Variants in DNAH17 observed in about 807,000 individuals in gnomAD.
The protein encoded by DNAH17 is axonemal beta dynein heavy chain 17.
A neutral mutation model predicts 485.6 loss-of-function variants in DNAH17; 376 were observed. That is an observed-to-expected ratio of 0.77 (90% CI 0.71 to 0.84). The LOEUF is 0.84. DNAH17 is among the 40% of genes least tolerant of loss of function. The pLI is 0.00. For missense variants in DNAH17, 6,370 were observed against 5,839.3 expected (o/e 1.09, Z -2.96); for synonymous variants, 3,031 against 2,405.9 (o/e 1.26, Z -7.60).
At position 78,501,280 on chromosome 17, in the gene DNAH17, C is replaced by T. The variant is rs752524285; in HGVS notation, c.5387G>A (p.Arg1796Gln). The change falls in exon 35 of 81, where the codon CGA becomes CAA. Residue 1796 changes from arginine to glutamine, a missense_variant. By Grantham distance (43) the Arg-to-Gln change is conservative (BLOSUM62 1). Coordinates refer to ENST00000389840, the MANE Select transcript of DNAH17 (RefSeq NM_173628.4). The part of the protein sequence containing the change: ...QLRHRWDEEK[R>Q]HCFANICDAQ... ...ATCGCAGATGTTGGCAAAGCAGTGT[C>T]GCTTCTCTTCGTCCCAGCGATGCCG... 8.8e-5 allele frequency: 142 copies of T among 1,608,574 alleles called. No individual in the cohort carries two copies. Among genetic ancestry groups the T allele is most frequent in the South Asian group, 1.4e-4 (13 of 90,824 alleles).
intron 3 of DNAH17, 59 bp downstream of exon 3, chr17:78,572,642 G>A (rs1292447663): frequency 2.1e-6 from 3 of 1,404,524 alleles, no homozygotes; most frequent in African/African-American, 2.9e-5. Context: ...GGGGGGTGGG[G>A]GTCAAGCATG....
chr17:78,576,740 C>T (rs2092438265), intron 1 of DNAH17, among the ~76,000 whole-genome samples: 1 of 152,172 alleles, frequency 6.6e-6, no homozygotes, highest in Admixed American at 6.5e-5. Flanking sequence ...TGGATTTGGG[C>T]TTTCACAAAG....
rs1324033797 is a variant in DNAH17 at position 78,485,133 on chromosome 17, G to A, written c.7484-100C>T. 4.2e-6 allele frequency: 6 copies of A among 1,420,152 alleles called. No individual in the cohort carries two copies. The South Asian group carries it at 8.9e-5, about 21-fold the overall frequency. The allele number at this position is 1,420,152 out of a possible 1,614,324, so 88.0% of individuals were successfully genotyped here. A position where few individuals can be genotyped will look rare whatever the true frequency, so the allele number is the denominator to read the frequency against. Reference sequence around the variant, plus strand: ...CTGCTTCCCCGGAGGACAGAAGGTGGGACCTGGCTGGGATCCAAGTTTACC... The same window carrying A: ...CTGCTTCCCCGGAGGACAGAAGGTGAGACCTGGCTGGGATCCAAGTTTACC... On this transcript the variant is annotated intron_variant, in intron 47 of 80. Transcript: ENST00000389840.
At chr17:78,507,436 G>A in intron 28 of DNAH17, 22 bp downstream of exon 28, 2 of 1,613,552 alleles carry the variant, frequency 1.2e-6, no homozygotes, top group South Asian at 1.1e-5. Context: ...GAAGTGCGTG[G>A]GAACCACCGG....
In DNAH17 at chr17:78,523,961, C is replaced by G. The variant is rs76658877; in HGVS notation, c.3864+1048G>C. Among the ~76,000 whole-genome samples, 28 of 152,292 alleles carry G rather than the reference C, an allele frequency of 1.8e-4. No homozygotes were observed. The East Asian group carries it at 4.8e-3, about 26-fold the overall frequency. On this transcript the variant is annotated intron_variant, in intron 25 of 80. Coordinates refer to ENST00000389840, the MANE Select transcript of DNAH17 (RefSeq NM_173628.4). ...AAGAAAATATGCTGGCATCGTTAGT[C>G]AGTAGGAAATACAAATGAAACCACA...
Position 78,575,028 on chromosome 17 carries a change from C to CG in DNAH17, c.29_30insC (p.Glu10AspfsTer36). Reference sequence around the variant, plus strand: ...CGATGGAGGCAACTTCCTCCAGATACTCTAGTCTGACGTCCGGGGCCATTG... The same window carrying CG: ...CGATGGAGGCAACTTCCTCCAGATACGTCTAGTCTGACGTCCGGGGCCATTG... On this transcript the variant is annotated frameshift_variant, in exon 2 of 81. Coordinates refer to ENST00000389840, the MANE Select transcript of DNAH17 (RefSeq NM_173628.4). LOFTEE classifies it high-confidence loss of function. 1 of 1,613,854 alleles carries CG rather than the reference C, an allele frequency of 6.2e-7. No individual in the cohort carries two copies. The highest frequency in any genetic ancestry group is 8.5e-7 in the Non-Finnish European group (1 of 1,179,822).
At chr17:78,439,454 A>G (rs1333473445) in intron 72 of DNAH17, among the ~76,000 whole-genome samples, 2 of 152,058 alleles carry the variant, frequency 1.3e-5, no homozygotes, top group African/African-American at 4.8e-5. Flanking sequence ...GTCATGGCCC[A>G]AGAGGTGGTC....
chr17:78,482,454 ATTCTT>A (rs1163196570), intron 48 of DNAH17, among the ~76,000 whole-genome samples: 1 of 152,134 alleles, frequency 6.6e-6, no homozygotes, highest in Admixed American at 6.5e-5. Context: ...GTTTTCTTCC[ATTCTT>A]TTATTTCTCC....
In DNAH17 at chr17:78,459,054, C is replaced by A; in HGVS notation, c.9808G>T (p.Ala3270Ser). Residue 3270 changes from alanine (A) to serine (S), a missense_variant, in exon 61 of 81, where the codon GCA becomes TCA. Coordinates refer to ENST00000389840, the MANE Select transcript of DNAH17 (RefSeq NM_173628.4). ...TTCTCTTGTGCCTCTGCCAGCTCTG[C>A]ATTAGCCTCCTCCAGTGCCTGCCTC... ...PKRQALEEANAELAEAQEKLS... is the reference protein window; with the variant it reads ...PKRQALEEANSELAEAQEKLS... The A allele has an allele frequency of 6.2e-7, 1 of 1,614,050 alleles. No homozygotes were observed. Among genetic ancestry groups the A allele is most frequent in the Non-Finnish European group, 8.5e-7 (1 of 1,179,900 alleles).
At chr17:78,478,714 CACT>C (rs1387685305) in intron 51 of DNAH17, among the ~76,000 whole-genome samples, 5 of 140,604 alleles carry the variant, frequency 3.6e-5, no homozygotes, top group African/African-American at 1.3e-4. Flanking sequence ...CCATCACCAC[CACT>C]ATTGCCATCA....
intron 44 of DNAH17, chr17:78,489,542 CCTTGG>C (rs1435737948): frequency 1.3e-5 from 2 of 152,284 alleles, no homozygotes; most frequent in Non-Finnish European, 2.9e-5. Flanking sequence ...ACTCTTCTGT[CCTTGG>C]CTTGACTCTG....
At chr17:78,502,337 CATCTGCCAA>C (rs2090326657) in intron 33 of DNAH17, 1 of 401,558 alleles carries the variant, frequency 2.5e-6, no homozygotes, top group African/African-American at 2.1e-5. Context: ...CTCTCAGTAG[CATCTGCCAA>C]TTTTCAGGCG....
intron 25 of DNAH17, among the ~76,000 whole-genome samples, chr17:78,524,035 A>G (rs2091000125): frequency 6.6e-6 from 1 of 152,230 alleles, no homozygotes; most frequent in African/African-American, 2.4e-5. Flanking sequence ...ATTCCCCCCA[A>G]AATTTCTCTG....
In DNAH17 at chr17:78,427,008, A is replaced by T; in HGVS notation, c.12689T>A (p.Val4230Asp). 6.2e-7 allele frequency: 1 copy of T among 1,610,110 alleles called. No homozygotes were observed. The highest frequency in any genetic ancestry group is 8.5e-7 in the Non-Finnish European group (1 of 1,178,326). The change falls in exon 78 of 81, where the codon GTC becomes GAC. Residue 4230 changes from valine to aspartate, a missense_variant. By Grantham distance (152) the Val-to-Asp change is radical. Transcript: ENST00000389840. ...CATTCTTTCACATTCTTGAAAGGCG[A>T]CTACCACGTAGGGGGTCTTTTCCGC... The part of the protein sequence containing the change: ...KAAEKTPYVV[V>D]AFQECERMNI...
chr17:78,471,872 A>G (rs1044456561), intron 54 of DNAH17, among the ~76,000 whole-genome samples: 2 of 152,102 alleles, frequency 1.3e-5, no homozygotes, highest in Non-Finnish European at 2.9e-5. Flanking sequence ...CTATCCCTGC[A>G]CTTCCCAGCC....
chr17:78,431,682 A>G lies in DNAH17; in HGVS notation c.12225+2347T>C, dbSNP rs543453713. Among the ~76,000 whole-genome samples the G allele has an allele frequency of 3.3e-5, 5 of 152,166 alleles. No homozygotes were observed. In the East Asian group the frequency reaches 7.7e-4, roughly 24 times the overall value. On this transcript the variant is annotated intron_variant, in intron 75 of 80. Transcript: ENST00000389840. Reference sequence around the variant, plus strand: ...GCATGACCTGTGCCATGAAGGGAATATGGGAGCCGGTGGGGAGTCTGTGGA... The same window carrying G: ...GCATGACCTGTGCCATGAAGGGAATGTGGGAGCCGGTGGGGAGTCTGTGGA...
intron 77 of DNAH17, 46 bp downstream of exon 77, chr17:78,428,479 G>C (rs983532514): frequency 4.5e-6 from 7 of 1,553,270 alleles, no homozygotes; most frequent in African/African-American, 2.7e-5. Context: ...CTCAGTTCTA[G>C]ATCCTCCCCC....
chr17:78,534,527 T>A (rs2091323000), intron 19 of DNAH17, among the ~76,000 whole-genome samples: 1 of 152,188 alleles, frequency 6.6e-6, no homozygotes, highest in South Asian at 2.1e-4. Context: ...GCCTGACATT[T>A]GGCTCCCACC....
rs1205398484 is a variant in DNAH17, at chr17:78,571,011, G to A, written c.855C>T (p.Ile285=). The A allele has an allele frequency of 8.2e-6, 13 of 1,576,240 alleles. No homozygotes were observed. The highest frequency in any genetic ancestry group is 2.7e-5 in the African/African-American group (2 of 74,040). ...TCCGTAGGGGCTTCAAATAGAGCACGATGTCGTTGGCTTCCTTCAGCCCTG... is the reference window on the plus strand; with the variant it reads ...TCCGTAGGGGCTTCAAATAGAGCACAATGTCGTTGGCTTCCTTCAGCCCTG... ...VTEGLKEAND[I]VLYLKPLRIL... is the part of the protein sequence containing the mutation. Residue 285 remains isoleucine (I), a synonymous_variant, in exon 6 of 81, where the codon ATC becomes ATT. Transcript: ENST00000389840.
Sources: gnomAD v4.1 joint callset for allele counts (sites outside exome capture counted in the v4.1 genomes callset) on GRCh38, gnomAD v4.1.1 for gene constraint, MANE v1.5 for transcripts, NCBI Gene and HGNC (gene_info 2026-07-23, HGNC 2026-07-21) for gene names.